The following NUP205 variants were observed in gnomAD, a reference collection of about 807,000 sequenced individuals.
NUP205 encodes the protein nucleoporin 205.
A neutral mutation model predicts 253.8 loss-of-function variants in NUP205; 76 were observed. The observed-to-expected ratio is 0.30, with a 90% CI of 0.25 to 0.36. NUP205 has a LOEUF of 0.36. Ranked by LOEUF, NUP205 falls within the 10% of genes least tolerant of loss-of-function variation. The probability of loss-of-function intolerance (pLI) is 1.00; values close to 1 mark genes in which losing one functional copy is unlikely to be tolerated. For synonymous variants in NUP205, 832 were observed against 850.1 expected, an observed-to-expected ratio of 0.98 and a Z score of 0.37; for missense variants, 2,162 against 2,425.5, an observed-to-expected ratio of 0.89 and a Z score of 2.28.
chr7:135,640,687 C>T (rs1359768086), intron 38 of NUP205, among the ~76,000 whole-genome samples: 6 of 152,036 alleles, frequency 3.9e-5, no homozygotes, highest in African/African-American at 1.4e-4. Flanking sequence ...CAAACTAAGT[C>T]CTTAATAGCT....
intron 7 of NUP205, among the ~76,000 whole-genome samples, chr7:135,579,227 T>C (rs1806239571): frequency 6.6e-6 from 1 of 151,386 alleles, no homozygotes; most frequent in Non-Finnish European, 1.5e-5. Context: ...GGAGTTTTGC[T>C]CTTGTTGCCC....
intron 8 of NUP205, 35 bp from the exon 9 acceptor site, chr7:135,587,540 T>C (rs781075964): frequency 1.6e-6 from 2 of 1,260,934 alleles, no homozygotes; most frequent in South Asian, 2.7e-5. Flanking sequence ...TACAATACAT[T>C]TACATATTAA....
intron 1 of NUP205, among the ~76,000 whole-genome samples, chr7:135,565,855 A>C (rs1290583082): frequency 6.6e-6 from 1 of 152,190 alleles, no homozygotes; most frequent in South Asian, 2.1e-4. Flanking sequence ...GAAAAATTCC[A>C]TCATGGCCCT....
chr7:135,577,054 C>T lies in NUP205; in HGVS notation c.574C>T (p.Gln192Ter). 6.2e-7 allele frequency: 1 copy of T among 1,613,966 alleles called. No individual in the cohort carries two copies. The highest frequency in any genetic ancestry group is 8.5e-7 in the Non-Finnish European group (1 of 1,179,934). The change falls in exon 5 of 43, where the codon CAG (glutamine) becomes TAG (stop). Residue 192 changes from glutamine to a stop codon, truncating the protein, a stop_gained. Coordinates refer to ENST00000285968, the MANE Select transcript of NUP205 (RefSeq NM_015135.3). LOFTEE classifies it high-confidence loss of function. ...LTYKVLTLVS[Q>*]IDVNNEFEKL... ...TTATAAAGTTCTTACGCTGGTGTCA[C>T]AGATTGATGTGAATAATGAGTTTGA...
chr7:135,637,852 GT>G (rs1362768760), intron 36 of NUP205, 78 bp from the exon 37 acceptor site: 1 of 1,352,934 alleles, frequency 7.4e-7, no homozygotes, highest in Non-Finnish European at 1.0e-6. Flanking sequence ...TCTCCACTGA[GT>G]TTTTCTTGTT....
intron 3 of NUP205, 150 bp downstream of exon 3, chr7:135,573,975 TTTG>T: frequency 1.4e-6 from 1 of 712,132 alleles, no homozygotes. Context: ...TTTTTTAATC[TTTG>T]TTGTTTTTTT....
chr7:135,563,108 A>T (rs924042473), intron 1 of NUP205, among the ~76,000 whole-genome samples: 3 of 152,006 alleles, frequency 2.0e-5, no homozygotes, highest in Non-Finnish European at 2.9e-5. Context: ...AGAGTCCCCT[A>T]TTATGTGATC....
chr7:135,622,597 A>G (rs1407664717), intron 30 of NUP205, among the ~76,000 whole-genome samples, 180 bp from the exon 31 acceptor site: 1 of 151,936 alleles, frequency 6.6e-6, no homozygotes, highest in African/African-American at 2.4e-5. Context: ...TTGTGTTATT[A>G]GAGTTAACCT....
In NUP205 at chr7:135,644,968, G is replaced by A. The variant is rs1794979378; in HGVS notation, c.5633G>A (p.Arg1878His). ...TAQKYVLARR[R>H]LVKVINNRAK... ...CAGAAATATGTTCTAGCAAGACGGC[G>A]CTTGGTGAAGGTGATCAACAATCGA... Residue 1878 changes from arginine to histidine, a missense_variant, in exon 40 of 43, where the codon CGC (arginine) becomes CAC (histidine). This residue lies in a region of NUP205 where 1,144 missense variants were observed against 1,280.9 expected (regional missense o/e 0.89). Transcript: ENST00000285968. 5.0e-6 allele frequency: 8 copies of A among 1,614,092 alleles called. No homozygotes were observed. Among genetic ancestry groups the A allele is most frequent in the South Asian group, 1.1e-5 (1 of 91,068 alleles).
At chr7:135,618,747 A>G (rs1194734361) in intron 28 of NUP205, 144 bp downstream of exon 28, 56 of 674,048 alleles carry the variant, frequency 8.3e-5, no homozygotes, top group Non-Finnish European at 1.3e-4. Context: ...TCCTTGAGAA[A>G]GGGATTAATT....
chr7:135,642,091 C>T (rs7801183), intron 38 of NUP205, among the ~76,000 whole-genome samples: 7,530 of 151,362 alleles, frequency 0.05, 396 homozygotes, highest in African/African-American at 0.13. Flanking sequence ...CCCATCTCTA[C>T]TAAAAATGCA....
At chr7:135,618,337 T>C in intron 27 of NUP205, 75 bp from the exon 28 acceptor site, 1 of 1,266,960 alleles carries the variant, frequency 7.9e-7, no homozygotes, top group South Asian at 1.2e-5. Context: ...TCCAAATAAA[T>C]ATTTTCTGAG....
chr7:135,607,065 G>C (rs1794101729), intron 21 of NUP205, 150 bp downstream of exon 21: 2 of 1,135,720 alleles, frequency 1.8e-6, no homozygotes, highest in Non-Finnish European at 2.5e-6. Context: ...TTAGGGCTTA[G>C]AACAAGACTG....
rs78502678 is a variant in NUP205, at chr7:135,561,759, T to C, written c.28+3787T>C. On this transcript the variant is annotated intron_variant, in intron 1 of 42. Coordinates refer to ENST00000285968, the MANE Select transcript of NUP205 (RefSeq NM_015135.3). ...TTCACCTGTTACCCCTTTTTTTGTC[T>C]TGTATATTCACTTCTCTCTCTTGCT... Among the ~76,000 whole-genome samples, 266 of 152,284 alleles carry C rather than the reference T, an allele frequency of 1.7e-3. 2 individuals carry two copies. Among genetic ancestry groups the C allele is most frequent in the South Asian group, 4.8e-3 (23 of 4,820 alleles).
rs918670727 is a variant in NUP205 at position 135,593,140 on chromosome 7, A to G, written c.1778A>G (p.Glu593Gly). The G allele has an allele frequency of 1.9e-6, 3 of 1,614,040 alleles. No individual in the cohort carries two copies. In the African/African-American group the frequency reaches 4.0e-5, roughly 22 times the overall value. Reference protein sequence around the residue: ...HLPSRGITQKEQDGLIAFLQL... With the variant: ...HLPSRGITQKGQDGLIAFLQL... ...CCTTCCCGTGGCATCACCCAGAAGG[A>G]GCAAGATGGATTGATTGCTTTTTTG... Residue 593 changes from glutamate (E) to glycine (G), a missense_variant, in exon 12 of 43, where the codon GAG (glutamate) becomes GGG (glycine). Around this residue, in one of 5 missense-constraint regions of NUP205, gnomAD observed 892 missense variants for 957.1 expected, o/e 0.93. Coordinates refer to ENST00000285968, the MANE Select transcript of NUP205 (RefSeq NM_015135.3).
In NUP205 at chr7:135,623,066, A is replaced by C; in HGVS notation, c.4479+141A>C. 4 of 763,520 alleles carry C rather than the reference A, an allele frequency of 5.2e-6. No individual in the cohort carries two copies. In the South Asian group the frequency reaches 8.1e-5, roughly 15 times the overall value. 47.3% of individuals were successfully genotyped at this position (763,520 alleles called of 1,614,324 possible). On this transcript the variant is annotated intron_variant, in intron 31 of 42. Transcript: ENST00000285968. ...GCCAAGGTGGGTGGATTTCTTGAGT[A>C]TAGGAGTTTGAGACTAGCCTGGGCA... is the stretch of plus-strand genomic sequence containing the variant.
chr7:135,572,033 A>AT (rs994795632), intron 2 of NUP205, among the ~76,000 whole-genome samples: 10 of 151,758 alleles, frequency 6.6e-5, no homozygotes, highest in Non-Finnish European at 1.2e-4. Context: ...TGCCCAGCTA[A>AT]TTTTTTTTAG....
intron 8 of NUP205, among the ~76,000 whole-genome samples, chr7:135,586,666 A>C (rs2129490110): frequency 6.6e-6 from 1 of 152,034 alleles, no homozygotes; most frequent in South Asian, 2.1e-4. Context: ...TTTCCTTGAG[A>C]CTTCTTTGAT....
At chr7:135,614,697 AC>A (rs1349151893) in intron 23 of NUP205, among the ~76,000 whole-genome samples, 1 of 152,184 alleles carries the variant, frequency 6.6e-6, no homozygotes, top group African/African-American at 2.4e-5. Flanking sequence ...AAAGTTGAAA[AC>A]TAATTATGGT....
Sources: allele counts gnomAD v4.1 joint callset (sites outside exome capture counted in the v4.1 genomes callset), GRCh38; gene constraint gnomAD v4.1.1; regional missense constraint gnomAD v4.1.1; transcripts MANE v1.5; gene names NCBI Gene and HGNC (gene_info 2026-07-23, HGNC 2026-07-21).